LGALS13: variants seen among roughly 807,000 people sequenced by gnomAD.
LGALS13 encodes galectin 13.
In LGALS13, 11 loss-of-function variants were observed where a neutral mutation model predicts 13.2. The ratio of observed to expected loss-of-function variants is 0.83; its 90% CI spans 0.52 to 1.38. The LOEUF is 1.38. LGALS13 is among the 40% of genes most tolerant of loss of function. LGALS13 has a pLI of 0.00. For synonymous variants in LGALS13, 71 were observed against 63.7 expected (o/e 1.11, Z -0.54); for missense variants, 183 against 174.3 (o/e 1.05, Z -0.28).
Position 39,607,112 on chromosome 19 carries a change from A to T in LGALS13, c.304-111A>T, listed in dbSNP as rs2233710. ...AAGTGTATCTAATACGTTAACTTGT[A>T]TAACTAGGAATTTTCTTGGGGAATG... On this transcript the variant is annotated intron_variant, in intron 3 of 3. Transcript: ENST00000221797. The T allele has an allele frequency of 7.5e-6, 6 of 803,240 alleles. No individual in the cohort carries two copies. In the Admixed American group the frequency reaches 8.6e-5, roughly 12 times the overall value. The allele number at this position is 803,240 out of a possible 1,614,324, so 49.8% of individuals were successfully genotyped here. A position where few individuals can be genotyped will look rare whatever the true frequency, so the allele number is the denominator to read the frequency against.
At position 39,605,171 on chromosome 19, in the gene LGALS13, C is replaced by T. The variant is rs369263516; in HGVS notation, c.93-7C>T. 3.7e-6 allele frequency: 6 copies of T among 1,613,004 alleles called. No individual in the cohort carries two copies. The highest frequency in any genetic ancestry group is 5.1e-6 in the Non-Finnish European group (6 of 1,179,030). The stretch of plus-strand genomic sequence containing the variant: ...CCTGCCCAACATTCTGCGTGCTTCA[C>T]CCTCAGCAATGACCCACAGCTGCAG... On this transcript the variant is annotated splice_polypyrimidine_tract_variant and splice_region_variant and intron_variant, in intron 2 of 3. Transcript: ENST00000221797.
At chr19:39,606,697 T>G (rs1972694370) in intron 3 of LGALS13, among the ~76,000 whole-genome samples, 1 of 152,218 alleles carries the variant, frequency 6.6e-6, no homozygotes, top group Admixed American at 6.5e-5. Flanking sequence ...TTTTTGAAGG[T>G]AATATCCTGT....
At chr19:39,604,722 G>C (rs1198816312) in intron 2 of LGALS13, 44 bp downstream of exon 2, 1 of 1,606,594 alleles carries the variant, frequency 6.2e-7, no homozygotes. Context: ...GAAGAAGGGA[G>C]AATATTTGCG....
At chr19:39,603,842 A>G (rs1972638984) in intron 1 of LGALS13, 1 of 711,856 alleles carries the variant, frequency 1.4e-6, no homozygotes, top group South Asian at 6.3e-5. Flanking sequence ...ACAGAGCAAG[A>G]ACCTATCTCA....
chr19:39,602,746 C>T (rs1421420690), intron 1 of LGALS13, among the ~76,000 whole-genome samples, 163 bp downstream of exon 1: 1 of 152,164 alleles, frequency 6.6e-6, no homozygotes, highest in African/African-American at 2.4e-5. Flanking sequence ...ATCTGAGATG[C>T]TTGTGGGGAT....
chr19:39,604,381 T>G (rs1044186608), intron 1 of LGALS13, among the ~76,000 whole-genome samples: 5 of 152,168 alleles, frequency 3.3e-5, no homozygotes, highest in African/African-American at 1.2e-4. Flanking sequence ...AAAGGCAGAA[T>G]GAGGACTGGA....
At chr19:39,604,478 T>C (rs1338844005) in intron 1 of LGALS13, 124 bp from the exon 2 acceptor site, 7 of 1,073,078 alleles carry the variant, frequency 6.5e-6, no homozygotes, top group Non-Finnish European at 9.9e-6. Context: ...TGCGGTAGGG[T>C]TAAAGAGGAG....
Position 39,607,217 on chromosome 19 carries a change from T to A in LGALS13, c.304-6T>A. The A allele has an allele frequency of 6.2e-7, 1 of 1,610,368 alleles. No individual in the cohort carries two copies. The highest frequency in any genetic ancestry group is 8.5e-7 in the Non-Finnish European group (1 of 1,176,584). On this transcript the variant is annotated splice_region_variant and splice_polypyrimidine_tract_variant and intron_variant, in intron 3 of 3. Coordinates refer to ENST00000221797, the MANE Select transcript of LGALS13 (RefSeq NM_013268.3). ...CTTTCTTTCTGATGCATTTTTCCTC[T>A]TGTAGATAAAGGTCAATGGCATACG...
Position 39,604,691 on chromosome 19 carries a change from T to C in LGALS13, c.92+13T>C, listed in dbSNP as rs745360180. ...TCCACTCTTTTATGTGAGTACTCCA[T>C]GGTCCAATGGAGGGGTTGGAGAAGA... On this transcript the variant is annotated intron_variant, in intron 2 of 3. Transcript: ENST00000221797. The C allele has an allele frequency of 1.9e-5, 30 of 1,613,694 alleles. No individual in the cohort carries two copies. The South Asian group carries it at 3.2e-4, about 17-fold the overall frequency.
intron 3 of LGALS13, among the ~76,000 whole-genome samples, chr19:39,605,997 C>T (rs913142223): frequency 6.6e-6 from 1 of 152,116 alleles, no homozygotes; most frequent in African/African-American, 2.4e-5. Flanking sequence ...CAGGTGTGTG[C>T]CAGCACACCT....
intron 1 of LGALS13, chr19:39,603,934 G>C (rs564698453): frequency 1.0e-6 from 1 of 985,148 alleles, no homozygotes; most frequent in African/African-American, 1.7e-5. Context: ...TGACCCACAA[G>C]CTTCATTTGT....
In LGALS13 at chr19:39,607,433, A is replaced by G; in HGVS notation, c.*94A>G. 2 of 843,874 alleles carry G rather than the reference A, an allele frequency of 2.4e-6. No individual in the cohort carries two copies. Among genetic ancestry groups the G allele is most frequent in the East Asian group, 2.5e-5 (1 of 40,704 alleles). The allele number at this position is 843,874 out of a possible 1,614,324, so 52.3% of individuals were successfully genotyped here. On this transcript the variant is annotated 3_prime_UTR_variant, in exon 4 of 4. Transcript: ENST00000221797. ...TGCTAACAGAATAATCCCTGCTCACATTTTCCCCTACACTTTGTCATTAAA... is the reference window on the plus strand; with the variant it reads ...TGCTAACAGAATAATCCCTGCTCACGTTTTCCCCTACACTTTGTCATTAAA...
chr19:39,605,291 T>C lies in LGALS13; in HGVS notation c.206T>C (p.Phe69Ser). ...GNHVVMNRRE[F>S]GIWMLEETTD... ...CATGTGGTCATGAACAGGCGTGAGT[T>C]TGGGATATGGATGTTGGAGGAGACA... The change falls in exon 3 of 4, where the codon TTT becomes TCT. Residue 69 changes from phenylalanine to serine, a missense_variant. Coordinates refer to ENST00000221797, the MANE Select transcript of LGALS13 (RefSeq NM_013268.3). The C allele has an allele frequency of 6.2e-7, 1 of 1,614,110 alleles. No homozygotes were observed.
At chr19:39,606,482 C>G (rs1972690426) in intron 3 of LGALS13, among the ~76,000 whole-genome samples, 1 of 152,114 alleles carries the variant, frequency 6.6e-6, no homozygotes, top group Non-Finnish European at 1.5e-5. Context: ...AATACTTGTA[C>G]TAGAAGATAA....
rs1249852436 is a variant in LGALS13 at position 39,605,185 on chromosome 19, C to T, written c.100C>T (p.Pro34Ser). The change falls in exon 3 of 4, where the codon CCA (proline) becomes TCA (serine). Residue 34 changes from proline (P) to serine (S), a missense_variant. By Grantham distance (74) the Pro-to-Ser change is moderately conservative. Transcript: ENST00000221797. ...GTPIHSFIND[P>S]QLQVDFYTDM... ...TGCGTGCTTCACCCTCAGCAATGACCCACAGCTGCAGGTGGATTTCTACAC... is the reference window on the plus strand; with the variant it reads ...TGCGTGCTTCACCCTCAGCAATGACTCACAGCTGCAGGTGGATTTCTACAC... 1.2e-6 allele frequency: 2 copies of T among 1,613,892 alleles called. No individual in the cohort carries two copies. Among genetic ancestry groups the T allele is most frequent in the South Asian group, 2.2e-5 (2 of 91,062 alleles).
chr19:39,605,397 C>T lies in LGALS13; in HGVS notation c.303+9C>T. ...ATTACAATGAGTATGAGGTGAGCAT[C>T]CCAGGAGCTCCCAGCACCCAGGCTC... On this transcript the variant is annotated intron_variant, in intron 3 of 3. Coordinates refer to ENST00000221797, the MANE Select transcript of LGALS13 (RefSeq NM_013268.3). 1 of 1,610,986 alleles carries T rather than the reference C, an allele frequency of 6.2e-7. No individual in the cohort carries two copies. Among genetic ancestry groups the T allele is most frequent in the Non-Finnish European group, 8.5e-7 (1 of 1,177,302 alleles).
rs367749456 is a variant in LGALS13, at chr19:39,602,658, T to C, written c.15+75T>C. The C allele has an allele frequency of 5.2e-5, 74 of 1,426,950 alleles. No individual in the cohort carries two copies. The African/African-American group carries it at 8.7e-4, about 17-fold the overall frequency. The allele number at this position is 1,426,950 out of a possible 1,614,324, so 88.4% of individuals were successfully genotyped here. A position where few individuals can be genotyped will look rare whatever the true frequency, so the allele number is the denominator to read the frequency against. Reference sequence around the variant, plus strand: ...GAAAGAAATGGGAGATTTTATGAGATGAAAATATGAGCATTTTTGCTGTGA... The same window carrying C: ...GAAAGAAATGGGAGATTTTATGAGACGAAAATATGAGCATTTTTGCTGTGA... On this transcript the variant is annotated intron_variant, in intron 1 of 3. Coordinates refer to ENST00000221797, the MANE Select transcript of LGALS13 (RefSeq NM_013268.3).
Position 39,607,428 on chromosome 19 carries a change from C to T in LGALS13, c.*89C>T, listed in dbSNP as rs1972710090. Reference sequence around the variant, plus strand: ...GAACCTGCTAACAGAATAATCCCTGCTCACATTTTCCCCTACACTTTGTCA... The same window carrying T: ...GAACCTGCTAACAGAATAATCCCTGTTCACATTTTCCCCTACACTTTGTCA... On this transcript the variant is annotated 3_prime_UTR_variant, in exon 4 of 4. Coordinates refer to ENST00000221797, the MANE Select transcript of LGALS13 (RefSeq NM_013268.3). 5 of 872,782 alleles carry T rather than the reference C, an allele frequency of 5.7e-6. No individual in the cohort carries two copies. In the Admixed American group the frequency reaches 8.7e-5, roughly 15 times the overall value. The allele number at this position is 872,782 out of a possible 1,614,324, so 54.1% of individuals were successfully genotyped here.
intron 2 of LGALS13, 52 bp downstream of exon 2, chr19:39,604,730 G>A (rs1972656432): frequency 6.2e-7 from 1 of 1,603,618 alleles, no homozygotes; most frequent in Non-Finnish European, 8.5e-7. Context: ...GAGAATATTT[G>A]CGAAGATTTG....
Sources: allele counts gnomAD v4.1 joint callset (sites outside exome capture counted in the v4.1 genomes callset), GRCh38; gene constraint gnomAD v4.1.1; transcripts MANE v1.5; gene names NCBI Gene and HGNC (gene_info 2026-07-23, HGNC 2026-07-21).